The following ARHGAP6 variants were observed in gnomAD, a reference collection of about 807,000 sequenced individuals.
ARHGAP6 encodes Rho GTPase activating protein 6.
A neutral mutation model predicts 55.7 loss-of-function variants in ARHGAP6; 16 were observed. That is an observed-to-expected ratio of 0.29 (90% CI 0.19 to 0.44). The LOEUF is 0.44. Among genes scored for constraint, ARHGAP6 ranks in the 20% least tolerant of loss-of-function variants. The pLI, the probability that ARHGAP6 is intolerant of heterozygous loss-of-function variation, is 1.00. For missense variants in ARHGAP6, 698 were observed against 808.9 expected (o/e 0.86, Z 1.66); for synonymous variants, 382 against 360.9 (o/e 1.06, Z -0.66).
chrX:11,518,351 C>A (rs1402760288), intron 1 of ARHGAP6, among the ~76,000 whole-genome samples: 1 of 110,447 alleles, frequency 9.1e-6, no homozygotes, highest in African/African-American at 3.3e-5. Flanking sequence ...TCTATGTTGC[C>A]CAGGCTGGTC....
chrX:11,229,355 A>G (rs976541578), intron 2 of ARHGAP6, among the ~76,000 whole-genome samples: 70 of 112,442 alleles, frequency 6.2e-4, no homozygotes, highest in African/African-American at 2.2e-3. Context: ...TGTCATTTCC[A>G]AAGACATCAA....
intron 1 of ARHGAP6, among the ~76,000 whole-genome samples, chrX:11,399,688 A>G (rs1003421104): frequency 4.5e-5 from 5 of 112,313 alleles, no homozygotes; most frequent in Non-Finnish European, 7.5e-5. Flanking sequence ...AAGTTTAAAC[A>G]TAGAGCTACT....
chrX:11,296,652 T>A (rs2048090171), intron 1 of ARHGAP6: 1 of 800,614 alleles, frequency 1.2e-6, no homozygotes, highest in Non-Finnish European at 1.8e-6. Flanking sequence ...TAGATTTTTT[T>A]AAAGTAGCTT....
intron 1 of ARHGAP6, among the ~76,000 whole-genome samples, chrX:11,372,372 T>C (rs1215477833): frequency 9.8e-5 from 11 of 112,387 alleles, no homozygotes; most frequent in Non-Finnish European, 1.7e-4. Context: ...AGTGATTAAA[T>C]ATATACCAAG....
chrX:11,648,035 C>T (rs1601726928), intron 1 of ARHGAP6, among the ~76,000 whole-genome samples: 1 of 112,105 alleles, frequency 8.9e-6, no homozygotes, highest in East Asian at 2.8e-4. Flanking sequence ...TTCTATATTT[C>T]AGTTAAAAGT....
chrX:11,289,262 C>A (rs2047957560), intron 1 of ARHGAP6, among the ~76,000 whole-genome samples: 1 of 110,300 alleles, frequency 9.1e-6, no homozygotes, highest in Admixed American at 9.6e-5. Context: ...AACCTTTTTT[C>A]CCCCTAAGAA....
chrX:11,629,291 A>G (rs1211590544), intron 1 of ARHGAP6, among the ~76,000 whole-genome samples: 1 of 111,618 alleles, frequency 9.0e-6, no homozygotes. Context: ...GATATCTGCC[A>G]TCACTTGGAA....
At chrX:11,573,839 C>T (rs1211820107) in intron 1 of ARHGAP6, among the ~76,000 whole-genome samples, 1 of 111,330 alleles carries the variant, frequency 9.0e-6, no homozygotes, top group African/African-American at 3.3e-5. Flanking sequence ...TCTTCCATTT[C>T]TTCGTATCCT....
chrX:11,389,745 A>C (rs1286926513), intron 1 of ARHGAP6, among the ~76,000 whole-genome samples: 1 of 112,269 alleles, frequency 8.9e-6, no homozygotes, highest in East Asian at 2.8e-4. Context: ...CTTCATGGAA[A>C]ACAAAACAGA....
chrX:11,507,580 T>C (rs1371034007), intron 1 of ARHGAP6, among the ~76,000 whole-genome samples: 1 of 112,115 alleles, frequency 8.9e-6, no homozygotes, highest in African/African-American at 3.2e-5. Context: ...GATTCACTCC[T>C]ATTTTGTAGA....
intron 3 of ARHGAP6, among the ~76,000 whole-genome samples, chrX:11,190,278 T>A (rs1222049092): frequency 9.0e-6 from 1 of 111,002 alleles, no homozygotes; most frequent in Non-Finnish European, 1.9e-5. Context: ...CTTGCCATTC[T>A]TTAGCAACAA....
At chrX:11,170,945 T>G (rs2046081844) in intron 8 of ARHGAP6, among the ~76,000 whole-genome samples, 1 of 110,926 alleles carries the variant, frequency 9.0e-6, no homozygotes, top group African/African-American at 3.3e-5. Flanking sequence ...CATCGAGATG[T>G]GACCCTTCCC....
At chrX:11,481,238 C>T (rs748890046) in intron 1 of ARHGAP6, among the ~76,000 whole-genome samples, 2 of 111,476 alleles carry the variant, frequency 1.8e-5, no homozygotes, top group South Asian at 7.6e-4. Context: ...CAGGATCCTC[C>T]GTGGCTGTAT....
chrX:11,424,972 T>C (rs948319076), intron 1 of ARHGAP6, among the ~76,000 whole-genome samples: 3 of 112,372 alleles, frequency 2.7e-5, no homozygotes, highest in African/African-American at 9.7e-5. Flanking sequence ...GAGTGAGATG[T>C]CCATAGCAAC....
chrX:11,575,208 T>C (rs1338207657), intron 1 of ARHGAP6, among the ~76,000 whole-genome samples: 2 of 111,656 alleles, frequency 1.8e-5, no homozygotes, highest in Non-Finnish European at 3.8e-5. Context: ...GGCCATTCCA[T>C]GGAGTACACA....
chrX:11,294,152 C>T (rs1038925381), intron 1 of ARHGAP6, among the ~76,000 whole-genome samples: 8 of 112,478 alleles, frequency 7.1e-5, no homozygotes, highest in Admixed American at 4.7e-4. Context: ...ACATAAAATT[C>T]GTACCATCCT....
At chrX:11,482,712 C>G (rs972641995) in intron 1 of ARHGAP6, among the ~76,000 whole-genome samples, 14 of 111,276 alleles carry the variant, frequency 1.3e-4, no homozygotes, top group African/African-American at 4.3e-4. Context: ...CAGGCTCTTA[C>G]TCCAAACGGC....
chrX:11,490,211 T>G (rs2050553719), intron 1 of ARHGAP6, among the ~76,000 whole-genome samples: 1 of 111,392 alleles, frequency 9.0e-6, no homozygotes, highest in African/African-American at 3.3e-5. Context: ...TATATAAGAC[T>G]CCATCTTAGC....
intron 1 of ARHGAP6, among the ~76,000 whole-genome samples, chrX:11,270,214 C>T (rs1186418217): frequency 2.7e-5 from 3 of 111,888 alleles, no homozygotes; most frequent in African/African-American, 9.7e-5. Context: ...AATTTTAACC[C>T]CTAGGCAATA....
Sources: gnomAD v4.1 joint callset for allele counts (sites outside exome capture counted in the v4.1 genomes callset) on GRCh38, gnomAD v4.1.1 for gene constraint, MANE v1.5 for transcripts, NCBI Gene and HGNC (gene_info 2026-07-23, HGNC 2026-07-21) for gene names.